The following DMAC2L variants were observed in gnomAD, a reference collection of about 807,000 sequenced individuals.
DMAC2L encodes the protein ATP synthase subunit s, mitochondrial.
DMAC2L carries 21 observed loss-of-function variants against 22.5 expected under a neutral mutation model. The observed-to-expected ratio is 0.93, with a 90% CI of 0.66 to 1.34. The LOEUF (loss-of-function observed/expected upper bound fraction) is 1.34, where lower values mean the gene tolerates loss of function less well. Ranked by LOEUF, DMAC2L falls within the 40% of genes most tolerant of loss-of-function variation. The pLI is 0.00. For missense variants in DMAC2L, 239 were observed against 246.5 expected, an observed-to-expected ratio of 0.97 and a Z score of 0.20; for synonymous variants, 86 against 89.5, an observed-to-expected ratio of 0.96 and a Z score of 0.22.
intron 5 of DMAC2L, among the ~76,000 whole-genome samples, chr14:50,325,019 C>T (rs2032607461): frequency 6.6e-6 from 1 of 152,224 alleles, no homozygotes; most frequent in Admixed American, 6.5e-5. Context: ...CATGATCCGC[C>T]CGCCTCGGCC....
chr14:50,311,947 C>T (rs2031233621), upstream of DMAC2L: 65 of 1,532,738 alleles, frequency 4.2e-5, no homozygotes, highest in Non-Finnish European at 5.5e-5. Flanking sequence ...GGCACAGGTC[C>T]ACCACCAGGT....
intron 1 of DMAC2L, chr14:50,312,719 C>T (rs986697286): frequency 1.3e-5 from 5 of 399,978 alleles, no homozygotes; most frequent in Admixed American, 4.4e-5. Flanking sequence ...CCACCGTCTC[C>T]ATCCCGGCCC....
intron 2 of DMAC2L, chr14:50,319,103 G>A: frequency 4.7e-6 from 7 of 1,474,186 alleles, no homozygotes. Context: ...GGGGAGGGAG[G>A]CTAAGAGAAA....
intron 2 of DMAC2L, among the ~76,000 whole-genome samples, chr14:50,318,608 C>T (rs2032009005): frequency 6.6e-5 from 10 of 152,152 alleles, no homozygotes; most frequent in Admixed American, 6.6e-4. Context: ...TTGCATTATG[C>T]TGAGAAAAAT....
At chr14:50,320,914 C>G (rs1369172484) in intron 2 of DMAC2L, among the ~76,000 whole-genome samples, 1 of 152,214 alleles carries the variant, frequency 6.6e-6, no homozygotes, top group Non-Finnish European at 1.5e-5. Flanking sequence ...TCTCATTTTA[C>G]AAATGAGAAA....
Position 50,322,704 on chromosome 14 carries a change from G to C in DMAC2L, c.301G>C (p.Gly101Arg). 6.2e-7 allele frequency: 1 copy of C among 1,614,150 alleles called. No individual in the cohort carries two copies. The highest frequency in any genetic ancestry group is 8.5e-7 in the Non-Finnish European group (1 of 1,180,022). ...CACCGACTCTTGTATCATGAGCATT[G>C]GATTTGATCACATGGGTAACTACCC... is the stretch of plus-strand genomic sequence containing the variant. ...DATDSCIMSI[G>R]FDHMEGLEHV... Residue 101 changes from glycine to arginine, a missense_variant, in exon 4 of 6, where the codon GGA (glycine) becomes CGA (arginine). Coordinates refer to ENST00000557421, the MANE Select transcript of DMAC2L (RefSeq NM_001382507.1).
chr14:50,319,245 T>C (rs2032065937), intron 2 of DMAC2L: 1 of 1,535,848 alleles, frequency 6.5e-7, no homozygotes, highest in African/African-American at 1.4e-5. Context: ...TGATAAGAGG[T>C]AGTGGAGCAG....
At position 50,322,611 on chromosome 14, in the gene DMAC2L, T is replaced by C. The variant is rs755227325; in HGVS notation, c.208T>C (p.Trp70Arg). The C allele has an allele frequency of 3.7e-6, 6 of 1,614,040 alleles. No homozygotes were observed. Among genetic ancestry groups the C allele is most frequent in the East Asian group, 4.5e-5 (2 of 44,864 alleles). Reference sequence around the variant, plus strand: ...GGTGCGCTACCATGGCCAGGAGAGGTGGCAGAAGGACTACAACCACCTTCC... The same window carrying C: ...GGTGCGCTACCATGGCCAGGAGAGGCGGCAGAAGGACTACAACCACCTTCC... Reference protein sequence around the residue: ...AMVRYHGQERWQKDYNHLPTG... With the variant: ...AMVRYHGQERRQKDYNHLPTG... Residue 70 changes from tryptophan (W) to arginine (R), a missense_variant, in exon 4 of 6, where the codon TGG (tryptophan) becomes CGG (arginine). Coordinates refer to ENST00000557421, the MANE Select transcript of DMAC2L (RefSeq NM_001382507.1).
At chr14:50,312,806 A>G in intron 1 of DMAC2L, 1 of 560,312 alleles carries the variant, frequency 1.8e-6, no homozygotes, top group Admixed American at 3.3e-5. Flanking sequence ...GCTCTTTGTC[A>G]CAGCGAAGAC....
At chr14:50,317,235 C>T (rs1009275552) in intron 2 of DMAC2L, among the ~76,000 whole-genome samples, 3 of 152,004 alleles carry the variant, frequency 2.0e-5, no homozygotes, top group Non-Finnish European at 4.4e-5. Context: ...TCAGCTTGGT[C>T]ACTGTTGGTG....
Position 50,326,708 on chromosome 14 carries a change from A to G in DMAC2L, c.*985A>G, listed in dbSNP as rs2032718955. The G allele has an allele frequency of 1.0e-6, 1 of 985,452 alleles. No individual in the cohort carries two copies. The highest frequency in any genetic ancestry group is 1.2e-6 in the Non-Finnish European group (1 of 829,932). 61.0% of individuals were successfully genotyped at this position (985,452 alleles called of 1,614,324 possible). ...ATTGCAATATAATAAAGGAAACAGTAAAAACTAGTGGGCTATGCTTAGGTT... is the reference window on the plus strand; with the variant it reads ...ATTGCAATATAATAAAGGAAACAGTGAAAACTAGTGGGCTATGCTTAGGTT... On this transcript the variant is annotated 3_prime_UTR_variant, in exon 6 of 6. Transcript: ENST00000557421.
Position 50,326,804 on chromosome 14 carries a change from G to T in DMAC2L, c.*1081G>T, listed in dbSNP as rs1275048918. 6.3e-6 allele frequency: 6 copies of T among 956,720 alleles called. No homozygotes were observed. Among genetic ancestry groups the T allele is most frequent in the African/African-American group, 1.8e-5 (1 of 56,636 alleles). The allele number at this position is 956,720 out of a possible 1,614,324, so 59.3% of individuals were successfully genotyped here. A position where few individuals can be genotyped will look rare whatever the true frequency, so the allele number is the denominator to read the frequency against. On this transcript the variant is annotated 3_prime_UTR_variant, in exon 6 of 6. Coordinates refer to ENST00000557421, the MANE Select transcript of DMAC2L (RefSeq NM_001382507.1). ...GCCTGTAATCCCAGTGCTTTGGGAG[G>T]CTGAGGTGGGAGGATCACTTGAGAC...
At chr14:50,312,283 G>A (rs7155623), upstream of DMAC2L, 1,729 of 1,370,966 alleles carry the variant, frequency 1.3e-3, 18 homozygotes, top group African/African-American at 0.022. Flanking sequence ...CCATGTGGGA[G>A]AGGCTGCGGT....
At chr14:50,319,763 A>G (rs1340756566) in intron 2 of DMAC2L, among the ~76,000 whole-genome samples, 4 of 152,188 alleles carry the variant, frequency 2.6e-5, no homozygotes, top group African/African-American at 9.7e-5. Context: ...TGAAAAACTA[A>G]AAGAAAAAAA....
chr14:50,319,567 T>G (rs563797197), intron 2 of DMAC2L, among the ~76,000 whole-genome samples: 1 of 152,202 alleles, frequency 6.6e-6, no homozygotes, highest in Non-Finnish European at 1.5e-5. Flanking sequence ...CCACCTTGTT[T>G]CAGAAAGGAT....
chr14:50,313,939 A>G (rs1392148406), intron 1 of DMAC2L, among the ~76,000 whole-genome samples: 1 of 152,226 alleles, frequency 6.6e-6, no homozygotes, highest in Non-Finnish European at 1.5e-5. Context: ...TGTTATATCA[A>G]GAATGTTACA....
upstream of DMAC2L, chr14:50,312,063 C>T: frequency 6.3e-7 from 1 of 1,596,616 alleles, no homozygotes; most frequent in Non-Finnish European, 8.5e-7. Flanking sequence ...CTCCCAGACG[C>T]GAACCCGCAC....
At chr14:50,322,211 G>A (rs1406874136) in intron 3 of DMAC2L, among the ~76,000 whole-genome samples, 1 of 152,200 alleles carries the variant, frequency 6.6e-6, no homozygotes, top group Non-Finnish European at 1.5e-5. Context: ...TATCTCTGGT[G>A]TCAAGCACTG....
rs560224295 is a variant in DMAC2L, at chr14:50,323,978, G to A, written c.350G>A (p.Cys117Tyr). The change falls in exon 5 of 6, where the codon TGC becomes TAC. Residue 117 changes from cysteine to tyrosine, a missense_variant. Cys to Tyr is a radical substitution (Grantham distance 194). Coordinates refer to ENST00000557421, the MANE Select transcript of DMAC2L (RefSeq NM_001382507.1). The stretch of plus-strand genomic sequence containing the variant: ...GAGCATGTTGAAAAAATAAGGCTGT[G>A]CAAGTGTCATTATATCGAGGATGAC... The part of the protein sequence containing the change: ...GLEHVEKIRL[C>Y]KCHYIEDDCL... 1.5e-5 allele frequency: 24 copies of A among 1,613,580 alleles called. No individual in the cohort carries two copies. In the East Asian group the frequency reaches 4.9e-4, roughly 33 times the overall value.
Sources: gnomAD v4.1 joint callset for allele counts (sites outside exome capture counted in the v4.1 genomes callset) on GRCh38, gnomAD v4.1.1 for gene constraint, MANE v1.5 for transcripts, NCBI Gene and HGNC (gene_info 2026-07-23, HGNC 2026-07-21) for gene names.